NRG2: variants seen among roughly 807,000 people sequenced by gnomAD.
The protein encoded by NRG2 is pro-neuregulin-2, membrane-bound isoform.
NRG2 carries 27 observed loss-of-function variants against 73.9 expected under a neutral mutation model. That is an observed-to-expected ratio of 0.37 (90% CI 0.27 to 0.50). NRG2 has a LOEUF of 0.50. NRG2 is among the 20% of genes least tolerant of loss of function. The pLI is 0.96. For missense variants in NRG2, 1,126 were observed against 1,210.1 expected (o/e 0.93, Z 1.03); for synonymous variants, 532 against 541.0 (o/e 0.98, Z 0.23).
rs535534701 is a variant in NRG2 at position 140,027,572 on chromosome 5, C to A, written c.700+14798G>T. On this transcript the variant is annotated intron_variant, in intron 1 of 9. Coordinates refer to ENST00000361474, the MANE Select transcript of NRG2 (RefSeq NM_004883.3). ...ATAGGATATTTTGAGAGAGAGACCA[C>A]ATTCACATAACTTTTATTACAGTAT... 2.6e-5 allele frequency among the ~76,000 whole-genome samples: 4 copies of A among 152,324 alleles called. No homozygotes were observed. In the South Asian group the frequency reaches 8.3e-4, roughly 32 times the overall value.
chr5:139,959,521 C>T (rs1754903748), intron 1 of NRG2, among the ~76,000 whole-genome samples: 1 of 152,234 alleles, frequency 6.6e-6, no homozygotes, highest in Admixed American at 6.5e-5. Context: ...GGATTAAAGG[C>T]ATGCGCCACC....
At chr5:139,994,698 T>C (rs572964199) in intron 1 of NRG2, among the ~76,000 whole-genome samples, 53 of 152,334 alleles carry the variant, frequency 3.5e-4, no homozygotes, top group African/African-American at 1.2e-3. Context: ...GTATAGAAGA[T>C]AGTGCTAAAA....
At chr5:139,931,678 A>T (rs1321237673) in intron 1 of NRG2, among the ~76,000 whole-genome samples, 1 of 152,232 alleles carries the variant, frequency 6.6e-6, no homozygotes, top group Non-Finnish European at 1.5e-5. Flanking sequence ...ACAAGTAGGG[A>T]ATCTCAACAA....
At position 139,904,532 on chromosome 5, in the gene NRG2, C is replaced by A; in HGVS notation, c.701-17021G>T. 3.9e-6 allele frequency: 2 copies of A among 509,820 alleles called. No individual in the cohort carries two copies. Among genetic ancestry groups the A allele is most frequent in the Non-Finnish European group, 6.9e-6 (2 of 291,184 alleles). The allele number at this position is 509,820 out of a possible 1,614,324, so 31.6% of individuals were successfully genotyped here. On this transcript the variant is annotated intron_variant, in intron 1 of 9. Transcript: ENST00000361474. The surrounding 1 kb of genome is among the most constrained non-coding windows in gnomAD (Gnocchi z 6.0). ...CACACCCTCCGGGGGAGGGGAGCAGCGAGCCTTAACTCTTCCCCTCCCGCG... is the reference window on the plus strand; with the variant it reads ...CACACCCTCCGGGGGAGGGGAGCAGAGAGCCTTAACTCTTCCCCTCCCGCG...
intron 1 of NRG2, among the ~76,000 whole-genome samples, chr5:140,040,496 G>A (rs1761830164): frequency 6.6e-6 from 1 of 152,134 alleles, no homozygotes. Flanking sequence ...ATTGTGTTGG[G>A]GGAAGGAGAA....
chr5:139,935,830 A>G (rs1159183378), intron 1 of NRG2, among the ~76,000 whole-genome samples: 2 of 151,924 alleles, frequency 1.3e-5, no homozygotes, highest in Non-Finnish European at 2.9e-5. Flanking sequence ...GTGGTGGTGC[A>G]CACCTGTAAT....
intron 1 of NRG2, among the ~76,000 whole-genome samples, chr5:139,889,207 T>C (rs907860918): frequency 1.8e-4 from 27 of 152,320 alleles, no homozygotes; most frequent in African/African-American, 6.0e-4. Context: ...TGAAACCTTT[T>C]TTCTTGGAAC....
intron 1 of NRG2, among the ~76,000 whole-genome samples, chr5:139,890,208 T>A (rs1307514205): frequency 6.6e-6 from 1 of 152,234 alleles, no homozygotes; most frequent in Admixed American, 6.5e-5. Flanking sequence ...GTCATTTTAA[T>A]TTGCATTTAT....
Position 139,864,778 on chromosome 5 carries a change from ACT to A in NRG2, c.1189+769_1189+770del, listed in dbSNP as rs1491500838. On this transcript the variant is annotated intron_variant, in intron 5 of 9. Coordinates refer to ENST00000361474, the MANE Select transcript of NRG2 (RefSeq NM_004883.3). ...TCGGCACACACACACACACACACAC[ACT>A]CACTGCCAGACCCTTTGGTACCCTC... is the stretch of plus-strand genomic sequence containing the variant. Among the ~76,000 whole-genome samples the A allele has an allele frequency of 2.7e-3, 399 of 148,244 alleles. 1 individual carries two copies. The highest frequency in any genetic ancestry group is 9.8e-3 in the African/African-American group (384 of 39,034).
At position 139,938,951 on chromosome 5, in the gene NRG2, AAGAAAGAAAAAAG is replaced by A. The variant is rs1250728132; in HGVS notation, c.701-51453_701-51441del. Among the ~76,000 whole-genome samples the A allele has an allele frequency of 6.9e-5, 10 of 144,872 alleles. No homozygotes were observed. The East Asian group carries it at 2.1e-3, about 30-fold the overall frequency. On this transcript the variant is annotated intron_variant, in intron 1 of 9. Transcript: ENST00000361474. ...AAAGAAAGAAAGAAAGAAAGAAAGA[AAGAAAGAAAAAAG>A]AAGGAAGGAAGGGAAGGAAGGAAAG...
chr5:139,852,976 G>T lies in NRG2; in HGVS notation c.1344C>A (p.Ala448=). Residue 448 remains alanine, a synonymous_variant, in exon 7 of 10, where the codon GCC becomes GCA. Transcript: ENST00000361474. The surrounding 1 kb of genome is among the most constrained non-coding windows in gnomAD (Gnocchi z 4.4). ...HNHLRQNMCP[A]HQNRSLANGP... ...CATTGGCCAAGCTCCGGTTCTGATG[G>T]GCCGGGCACATGTTCTGCCGGAGGT... is the stretch of plus-strand genomic sequence containing the variant. 1 of 1,613,280 alleles carries T rather than the reference G, an allele frequency of 6.2e-7. No individual in the cohort carries two copies.
At chr5:139,858,994 G>A (rs1761973996) in intron 5 of NRG2, among the ~76,000 whole-genome samples, 1 of 152,110 alleles carries the variant, frequency 6.6e-6, no homozygotes, top group South Asian at 2.1e-4. Flanking sequence ...GTAACTGTAG[G>A]CTCTGCACCA....
chr5:140,032,845 T>C lies in NRG2; in HGVS notation c.700+9525A>G, dbSNP rs146115040. 4.0e-3 allele frequency among the ~76,000 whole-genome samples: 615 copies of C among 152,282 alleles called. 3 individuals are homozygous for C. The highest frequency in any genetic ancestry group is 7.1e-3 in the Admixed American group (109 of 15,286). On this transcript the variant is annotated intron_variant, in intron 1 of 9. Transcript: ENST00000361474. ...CAGCCAAGGACCTGAGGGGTAATAATAAACAACAAATATTTAAAGGAAGAA... is the reference window on the plus strand; with the variant it reads ...CAGCCAAGGACCTGAGGGGTAATAACAAACAACAAATATTTAAAGGAAGAA...
chr5:139,951,323 G>A (rs1052242309), intron 1 of NRG2, among the ~76,000 whole-genome samples: 89 of 152,200 alleles, frequency 5.8e-4, no homozygotes, highest in African/African-American at 2.0e-3. Context: ...GCTACTTATC[G>A]AGAGGTAGGA....
intron 1 of NRG2, among the ~76,000 whole-genome samples, chr5:140,014,232 G>A (rs959429707): frequency 2.2e-5 from 3 of 139,238 alleles, no homozygotes; most frequent in African/African-American, 5.8e-5. Flanking sequence ...AAAAAAGCTT[G>A]GATTTTTTTT....
intron 1 of NRG2, among the ~76,000 whole-genome samples, chr5:139,994,628 A>G (rs557842959): frequency 6.6e-6 from 1 of 152,330 alleles, no homozygotes; most frequent in African/African-American, 2.4e-5. Flanking sequence ...AAGATGGCAA[A>G]TTTTGTGTTG....
At chr5:139,955,301 G>A (rs1350202159) in intron 1 of NRG2, among the ~76,000 whole-genome samples, 3 of 152,138 alleles carry the variant, frequency 2.0e-5, no homozygotes, top group African/African-American at 7.2e-5. Context: ...CCAAATAGGA[G>A]TTAGCAGAGT....
chr5:139,877,554 C>T (rs1001010618), intron 3 of NRG2, among the ~76,000 whole-genome samples: 2 of 152,262 alleles, frequency 1.3e-5, no homozygotes, highest in Admixed American at 6.5e-5. Context: ...GCCTGGGCAT[C>T]TCTGCCTGGG....
chr5:139,920,025 G>A (rs1213768386), intron 1 of NRG2, among the ~76,000 whole-genome samples: 1 of 152,214 alleles, frequency 6.6e-6, no homozygotes, highest in Admixed American at 6.5e-5. Context: ...AAATGTGGAG[G>A]ATGGAATGGT....
Sources: allele counts gnomAD v4.1 joint callset (sites outside exome capture counted in the v4.1 genomes callset), GRCh38; gene constraint gnomAD v4.1.1; non-coding constraint Gnocchi (gnomAD v3.1); transcripts MANE v1.5; gene names NCBI Gene and HGNC (gene_info 2026-07-23, HGNC 2026-07-21).